PRKCE: variants seen among roughly 807,000 people sequenced by gnomAD.
PRKCE encodes the protein protein kinase C epsilon.
Under a neutral mutation model 85.4 loss-of-function variants are expected in PRKCE, and 16 were observed. The ratio of observed to expected loss-of-function variants is 0.19; its 90% CI spans 0.13 to 0.28. The LOEUF (loss-of-function observed/expected upper bound fraction) is 0.28. PRKCE is among the 10% of genes least tolerant of loss of function. PRKCE has a pLI of 1.00. For missense variants in PRKCE, 573 were observed against 975.2 expected, an observed-to-expected ratio of 0.59 and a Z score of 5.49; for synonymous variants, 388 against 371.5, an observed-to-expected ratio of 1.04 and a Z score of -0.51.
intron 1 of PRKCE, among the ~76,000 whole-genome samples, chr2:45,663,475 G>A (rs1675768797): frequency 6.6e-6 from 1 of 152,106 alleles, no homozygotes; most frequent in African/African-American, 2.4e-5. Context: ...AGGGAAAGGA[G>A]CCCCTCTAAA....
At chr2:45,933,163 T>C (rs924987936) in intron 2 of PRKCE, among the ~76,000 whole-genome samples, 1 of 152,206 alleles carries the variant, frequency 6.6e-6, no homozygotes, top group African/African-American at 2.4e-5. Context: ...CATTTTTCTA[T>C]TGGGTTGTCT....
intron 1 of PRKCE, among the ~76,000 whole-genome samples, chr2:45,670,670 C>T (rs1037310365): frequency 6.6e-6 from 1 of 152,172 alleles, no homozygotes; most frequent in African/African-American, 2.4e-5. Context: ...GGGTTCCCTG[C>T]ACTCAATAAA....
rs1407969104 is a variant in PRKCE, at chr2:45,907,057, G to A, written c.412+63994G>A. 1.1e-4 allele frequency among the ~76,000 whole-genome samples: 17 copies of A among 150,244 alleles called. No individual in the cohort carries two copies. Among genetic ancestry groups the A allele is most frequent in the Admixed American group, 1.0e-3 (15 of 14,834 alleles). On this transcript the variant is annotated intron_variant, in intron 2 of 14. Coordinates refer to ENST00000306156, the MANE Select transcript of PRKCE (RefSeq NM_005400.3). The surrounding 1 kb of genome is among the most constrained non-coding windows in gnomAD (Gnocchi z 4.5). The stretch of plus-strand genomic sequence containing the variant: ...GGCCCCAGTTGCTCCAAAATTAGGC[G>A]TCGGAGGTCTAAGTGGTATAGACGG...
chr2:45,818,780 G>A (rs935671), intron 1 of PRKCE, among the ~76,000 whole-genome samples: 9,933 of 152,230 alleles, frequency 0.065, 433 homozygotes, highest in Admixed American at 0.13. Context: ...TTGCCCTGCC[G>A]CAGCACTCAC....
At position 46,159,555 on chromosome 2, in the gene PRKCE, G is replaced by C; in HGVS notation, c.1921-51G>C. ...GACCTCCATCTGTCCCTTATAGCCT[G>C]TGCTGGCCAGGCCTTTGTCACTAAT... On this transcript the variant is annotated intron_variant, in intron 13 of 14. Coordinates refer to ENST00000306156, the MANE Select transcript of PRKCE (RefSeq NM_005400.3). The surrounding 1 kb of genome is among the most constrained non-coding windows in gnomAD (Gnocchi z 4.1). 1.3e-6 allele frequency: 2 copies of C among 1,543,960 alleles called. No individual in the cohort carries two copies. Among genetic ancestry groups the C allele is most frequent in the Non-Finnish European group, 1.7e-6 (2 of 1,152,366 alleles).
At chr2:45,977,090 T>A (rs1319550781) in intron 3 of PRKCE, among the ~76,000 whole-genome samples, 2 of 151,654 alleles carry the variant, frequency 1.3e-5, no homozygotes, top group Non-Finnish European at 2.9e-5. Flanking sequence ...AGAGGTAGGG[T>A]TTCGCCATGT....
At chr2:45,941,088 G>A (rs1400874089) in intron 2 of PRKCE, among the ~76,000 whole-genome samples, 119 of 72,460 alleles carry the variant, frequency 1.6e-3, no homozygotes, top group East Asian at 0.015. Context: ...AAAAAAAAAA[G>A]ATGATAGGCA....
chr2:45,715,100 G>A (rs1218528955), intron 1 of PRKCE, among the ~76,000 whole-genome samples: 4 of 152,222 alleles, frequency 2.6e-5, no homozygotes, highest in South Asian at 4.1e-4. Context: ...CAGGCAACTC[G>A]GAGCTGTGGG....
At chr2:46,182,295 C>A (rs548331374) in intron 14 of PRKCE, among the ~76,000 whole-genome samples, 40 of 152,262 alleles carry the variant, frequency 2.6e-4, no homozygotes, top group African/African-American at 9.4e-4. Context: ...GAAGAGGTGT[C>A]GCCACACCCT....
intron 1 of PRKCE, among the ~76,000 whole-genome samples, chr2:45,655,292 G>C: frequency 6.6e-6 from 1 of 151,914 alleles, no homozygotes; most frequent in South Asian, 2.1e-4. Flanking sequence ...GCCCGGGATG[G>C]CTTTGAATGC....
At chr2:46,077,700 A>G (rs1403620810) in intron 10 of PRKCE, among the ~76,000 whole-genome samples, 1 of 152,224 alleles carries the variant, frequency 6.6e-6, no homozygotes, top group East Asian at 1.9e-4. Context: ...ATTACATAGG[A>G]ACATTGACAT....
At chr2:46,156,281 A>G (rs1677198276) in intron 13 of PRKCE, among the ~76,000 whole-genome samples, 1 of 152,116 alleles carries the variant, frequency 6.6e-6, no homozygotes, top group South Asian at 2.1e-4. Context: ...TTCCTCCTTC[A>G]GGTCTCAGCC....
At chr2:45,727,233 C>T (rs1172334212) in intron 1 of PRKCE, among the ~76,000 whole-genome samples, 2 of 152,134 alleles carry the variant, frequency 1.3e-5, no homozygotes, top group African/African-American at 4.8e-5. Flanking sequence ...CTCTTAAGGC[C>T]ATAGTTATTT....
intron 1 of PRKCE, among the ~76,000 whole-genome samples, chr2:45,760,741 G>T (rs1684399476): frequency 6.6e-6 from 1 of 152,116 alleles, no homozygotes; most frequent in Admixed American, 6.5e-5. Flanking sequence ...CGTTGGCCTT[G>T]GTGAGATTAT....
At chr2:45,843,989 C>T (rs1691573210) in intron 2 of PRKCE, among the ~76,000 whole-genome samples, 1 of 152,174 alleles carries the variant, frequency 6.6e-6, no homozygotes, top group South Asian at 2.1e-4. Flanking sequence ...AGCTCTCCTG[C>T]CTGGAACACT....
At position 45,653,370 on chromosome 2, in the gene PRKCE, G is replaced by GTTTTTTTTTTTTT. The variant is rs34888247; in HGVS notation, c.348+935_348+947dup. Reference sequence around the variant, plus strand: ...TGCTTTTTGTGTTTGTTTTTGGGTTGTTTTTTTTTTTTTTTTTTTTTTTTT... The same window carrying GTTTTTTTTTTTTT: ...TGCTTTTTGTGTTTGTTTTTGGGTTGTTTTTTTTTTTTTTTTTTTTTTTTTTTTTTTTTTTTTT... On this transcript the variant is annotated intron_variant, in intron 1 of 14. Transcript: ENST00000306156. Among the ~76,000 whole-genome samples the GTTTTTTTTTTTTT allele has an allele frequency of 5.8e-3, 354 of 61,458 alleles. 34 individuals carry two copies. Among genetic ancestry groups the GTTTTTTTTTTTTT allele is most frequent in the East Asian group, 0.011 (14 of 1,306 alleles). The allele number at this position is 61,458 out of a possible 152,430, so 40.3% of individuals were successfully genotyped here.
At chr2:45,874,741 C>G (rs1694344023) in intron 2 of PRKCE, among the ~76,000 whole-genome samples, 1 of 152,204 alleles carries the variant, frequency 6.6e-6, no homozygotes, top group Non-Finnish European at 1.5e-5. Flanking sequence ...CAACAAGATG[C>G]AGCCCACTGT....
At chr2:45,805,545 A>T (rs1019560188) in intron 1 of PRKCE, among the ~76,000 whole-genome samples, 2 of 151,946 alleles carry the variant, frequency 1.3e-5, no homozygotes, top group Admixed American at 6.6e-5. Context: ...ATTTTTGAAG[A>T]AAGTTCACTT....
intron 11 of PRKCE, among the ~76,000 whole-genome samples, chr2:46,131,360 A>G (rs943124532): frequency 6.6e-6 from 1 of 152,308 alleles, no homozygotes; most frequent in South Asian, 2.1e-4. Context: ...ATCTTCTGAT[A>G]CATCTCTGCA....
Sources: gnomAD v4.1 joint callset for allele counts (sites outside exome capture counted in the v4.1 genomes callset) on GRCh38, gnomAD v4.1.1 for gene constraint, Gnocchi (gnomAD v3.1) non-coding constraint, MANE v1.5 for transcripts, NCBI Gene and HGNC (gene_info 2026-07-23, HGNC 2026-07-21) for gene names.